ARID2: variants seen among roughly 807,000 people sequenced by gnomAD.
ARID2 encodes the protein AT-rich interactive domain-containing protein 2.
ARID2 carries 32 observed loss-of-function variants against 184.6 expected under a neutral mutation model. The ratio of observed to expected loss-of-function variants is 0.17; its 90% confidence interval spans 0.13 to 0.23. The LOEUF is 0.23. Ranked by LOEUF, ARID2 falls within the 10% of genes least tolerant of loss-of-function variation. The probability of loss-of-function intolerance (pLI) is 1.00; values close to 1 mark genes in which losing one functional copy is unlikely to be tolerated. For synonymous variants in ARID2, 836 were observed against 772.6 expected (o/e 1.08, Z -1.36); for missense variants, 1,696 against 2,197.6 (o/e 0.77, Z 4.56).
chr12:45,840,945 C>T (rs1943332333), intron 11 of ARID2: 1 of 152,116 alleles, frequency 6.6e-6, no homozygotes, highest in Non-Finnish European at 1.5e-5. Flanking sequence ...ATTTTGACTG[C>T]CAGTCTATTC....
chr12:45,761,351 A>G (rs1592059973), intron 3 of ARID2, among the ~76,000 whole-genome samples: 1 of 152,160 alleles, frequency 6.6e-6, no homozygotes, highest in East Asian at 1.9e-4. Context: ...TCTTCTGGAT[A>G]TATTTCTTTT....
rs142178521 is a variant in ARID2, at chr12:45,870,997, A to G, written c.4922+10048A>G. Among the ~76,000 whole-genome samples, 263 of 152,370 alleles carry G rather than the reference A, an allele frequency of 1.7e-3. 2 individuals are homozygous for G. The highest frequency in any genetic ancestry group is 5.4e-3 in the African/African-American group (226 of 41,596). Reference sequence around the variant, plus strand: ...CACCTAGGATTATAATTGCTGGATCATATGATAAAGACTATGCTTAACATT... The same window carrying G: ...CACCTAGGATTATAATTGCTGGATCGTATGATAAAGACTATGCTTAACATT... On this transcript the variant is annotated intron_variant, in intron 16 of 20. Transcript: ENST00000334344.
intron 3 of ARID2, among the ~76,000 whole-genome samples, chr12:45,781,217 T>A (rs958509050): frequency 1.1e-4 from 17 of 149,494 alleles, no homozygotes; most frequent in Non-Finnish European, 2.2e-4. Context: ...TAGCTAAGAG[T>A]CTGTCACTGT....
At chr12:45,768,841 C>G (rs545008926) in intron 3 of ARID2, among the ~76,000 whole-genome samples, 1 of 152,194 alleles carries the variant, frequency 6.6e-6, no homozygotes, top group East Asian at 1.9e-4. Context: ...TTGTTGAAAA[C>G]AATGGAGTAA....
Position 45,827,732 on chromosome 12 carries a change from AAG to A in ARID2, c.705+6248_705+6249del, listed in dbSNP as rs1176009001. On this transcript the variant is annotated intron_variant, in intron 6 of 20. Transcript: ENST00000334344. ...TAATAGGTGACCAGCACTGCAGAGG[AAG>A]AGTCTTTCTGACAGAGGGAATAGCA... Among the ~76,000 whole-genome samples, 6 of 152,120 alleles carry A rather than the reference AAG, an allele frequency of 3.9e-5. No individual in the cohort carries two copies. In the South Asian group the frequency reaches 8.3e-4, roughly 21 times the overall value.
intron 11 of ARID2, among the ~76,000 whole-genome samples, chr12:45,845,484 C>A (rs571518681): frequency 1.3e-5 from 2 of 152,264 alleles, no homozygotes; most frequent in East Asian, 3.9e-4. Context: ...ATACCCAGCT[C>A]TGCTATCTCC....
chr12:45,876,184 A>G (rs1944005136), intron 16 of ARID2, among the ~76,000 whole-genome samples: 1 of 152,218 alleles, frequency 6.6e-6, no homozygotes, highest in African/African-American at 2.4e-5. Flanking sequence ...TTATTGTTGA[A>G]TGGTGTATCA....
At position 45,781,469 on chromosome 12, in the gene ARID2, A is replaced by C. The variant is rs1048069431; in HGVS notation, c.285-29949A>C. On this transcript the variant is annotated intron_variant, in intron 3 of 20. Coordinates refer to ENST00000334344, the MANE Select transcript of ARID2 (RefSeq NM_152641.4). ...AACATGTTGATTATGTTTTGGAATA[A>C]AGGTCAGATTATCATTGGTCATTAC... is the stretch of plus-strand genomic sequence containing the variant. Among the ~76,000 whole-genome samples the C allele has an allele frequency of 2.0e-5, 3 of 146,942 alleles. No individual in the cohort carries two copies. The Admixed American group carries it at 2.1e-4, about 10-fold the overall frequency.
At chr12:45,780,338 A>AT (rs1325885387) in intron 3 of ARID2, among the ~76,000 whole-genome samples, 35 of 152,334 alleles carry the variant, frequency 2.3e-4, no homozygotes, top group African/African-American at 8.2e-4. Flanking sequence ...CCTTATAGTT[A>AT]AAGAATGACT....
chr12:45,731,355 G>A (rs2137963240), intron 3 of ARID2, 41 bp downstream of exon 3: 1 of 1,407,028 alleles, frequency 7.1e-7, no homozygotes, highest in Non-Finnish European at 1.0e-6. Flanking sequence ...GGAAATAAGG[G>A]ACTTATGGAG....
Position 45,907,529 on chromosome 12 carries a change from G to A in ARID2, c.*2451G>A. On this transcript the variant is annotated 3_prime_UTR_variant, in exon 21 of 21. Transcript: ENST00000334344. ...ATTTCCTAAATGCGTTTGACCTAAT[G>A]AAACTGATCATGGCTTCCCACTTAG... 1 of 233,150 alleles carries A rather than the reference G, an allele frequency of 4.3e-6. No homozygotes were observed. 14.4% of individuals were successfully genotyped at this position (233,150 alleles called of 1,614,324 possible).
chr12:45,790,721 A>C (rs1942277470), intron 3 of ARID2, among the ~76,000 whole-genome samples: 1 of 152,164 alleles, frequency 6.6e-6, no homozygotes, highest in South Asian at 2.1e-4. Context: ...TGTCAATTTT[A>C]TTTCTTTCAT....
intron 12 of ARID2, among the ~76,000 whole-genome samples, chr12:45,848,538 A>G (rs1320632663): frequency 6.6e-6 from 1 of 152,154 alleles, no homozygotes; most frequent in Non-Finnish European, 1.5e-5. Flanking sequence ...TTCACTAAAT[A>G]AAACTATTTC....
At chr12:45,765,089 C>T (rs1034590394) in intron 3 of ARID2, among the ~76,000 whole-genome samples, 4 of 152,026 alleles carry the variant, frequency 2.6e-5, no homozygotes, top group Non-Finnish European at 4.4e-5. Flanking sequence ...TTTACATTTC[C>T]CTAAATGACT....
chr12:45,901,088 C>G (rs1944450620), intron 20 of ARID2, among the ~76,000 whole-genome samples: 2 of 123,046 alleles, frequency 1.6e-5, no homozygotes, highest in South Asian at 5.3e-4. Flanking sequence ...TGGTATGTTT[C>G]TTTTTCTTTT....
At chr12:45,789,952 CA>C (rs1373577937) in intron 3 of ARID2, among the ~76,000 whole-genome samples, 4 of 151,836 alleles carry the variant, frequency 2.6e-5, no homozygotes, top group Non-Finnish European at 5.9e-5. Context: ...TCCTCTCTAC[CA>C]AAAAAACCAA....
intron 4 of ARID2, among the ~76,000 whole-genome samples, chr12:45,815,668 T>G (rs1195858935): frequency 6.6e-6 from 1 of 152,106 alleles, no homozygotes; most frequent in Non-Finnish European, 1.5e-5. Flanking sequence ...TATTCTTTTG[T>G]TATTGTTGTT....
At chr12:45,828,250 T>C (rs1943040607) in intron 6 of ARID2, among the ~76,000 whole-genome samples, 1 of 152,060 alleles carries the variant, frequency 6.6e-6, no homozygotes, top group African/African-American at 2.4e-5. Context: ...TTTCTTTTGT[T>C]CAACATCATG....
In ARID2 at chr12:45,904,918, A is replaced by G. The variant is rs1385739918; in HGVS notation, c.5364-16A>G. 8.1e-6 allele frequency: 13 copies of G among 1,611,528 alleles called. No homozygotes were observed. Among genetic ancestry groups the G allele is most frequent in the Admixed American group, 3.4e-5 (2 of 59,666 alleles). On this transcript the variant is annotated splice_polypyrimidine_tract_variant and intron_variant, in intron 20 of 20. Coordinates refer to ENST00000334344, the MANE Select transcript of ARID2 (RefSeq NM_152641.4). ...TGACCTTGGAGACTGACAATCTTCT[A>G]TATGTTTTTTTGCAGATTGTTAAAG...
Sources: gnomAD v4.1 joint callset for allele counts (sites outside exome capture counted in the v4.1 genomes callset) on GRCh38, gnomAD v4.1.1 for gene constraint, MANE v1.5 for transcripts, NCBI Gene and HGNC (gene_info 2026-07-23, HGNC 2026-07-21) for gene names.